Variants in RABL6 observed in about 807,000 individuals in gnomAD.
RABL6 encodes the protein RAB, member RAS oncogene family like 6, also known as rab-like protein 6.
Under a neutral mutation model 72.9 loss-of-function variants are expected in RABL6, and 28 were observed. The ratio of observed to expected loss-of-function variants is 0.38; its 90% CI spans 0.28 to 0.53. RABL6 has a LOEUF of 0.53. RABL6 is among the 20% of genes least tolerant of loss of function. The probability of loss-of-function intolerance (pLI) is 0.80; values close to 1 mark genes in which losing one functional copy is unlikely to be tolerated. For missense variants in RABL6, 1,029 were observed against 1,008.4 expected (o/e 1.02, Z -0.28); for synonymous variants, 477 against 421.2 (o/e 1.13, Z -1.62).
chr9:136,840,829 G>A lies in RABL6; in HGVS notation c.*307G>A. The A allele has an allele frequency of 1.9e-6, 3 of 1,546,410 alleles. No homozygotes were observed. Among genetic ancestry groups the A allele is most frequent in the Non-Finnish European group, 2.6e-6 (3 of 1,146,484 alleles). ...AGGGATGTGACTGAGGCCCAGGAGG[G>A]ACCTGTGAGGGTCTGTTTACAGAGG... On this transcript the variant is annotated 3_prime_UTR_variant, in exon 15 of 15. Coordinates refer to ENST00000311502, the MANE Select transcript of RABL6 (RefSeq NM_024718.5).
At chr9:136,821,805 G>T in intron 1 of RABL6, 1 of 1,180,666 alleles carries the variant, frequency 8.5e-7, no homozygotes, top group Non-Finnish European at 1.1e-6. Flanking sequence ...CGCGGGAGAG[G>T]GAGGGGAACG....
At chr9:136,818,325 T>C (rs1210591713) in intron 1 of RABL6, among the ~76,000 whole-genome samples, 1 of 119,802 alleles carries the variant, frequency 8.3e-6, no homozygotes, top group Non-Finnish European at 1.6e-5. Context: ...ATCCCACCAC[T>C]GCACTCCAGC....
intron 1 of RABL6, chr9:136,822,191 A>AC: frequency 2.2e-6 from 2 of 919,604 alleles, no homozygotes; most frequent in Non-Finnish European, 2.9e-6. Context: ...CTGACAGAAA[A>AC]CCTGGGGGGG....
At chr9:136,808,383 C>T (rs1847916332) in intron 1 of RABL6, 57 bp downstream of exon 1, 8 of 1,394,004 alleles carry the variant, frequency 5.7e-6, no homozygotes, top group South Asian at 1.6e-5. Flanking sequence ...CGAACCCAGG[C>T]CCCGGGCGCC....
At chr9:136,821,736 C>T (rs1848241984) in intron 1 of RABL6, 1 of 1,142,288 alleles carries the variant, frequency 8.8e-7, no homozygotes, top group South Asian at 1.7e-5. Context: ...CTGTGCTCTC[C>T]ACAGGCCGGG....
At chr9:136,815,241 C>A in intron 1 of RABL6, 1 of 304,018 alleles carries the variant, frequency 3.3e-6, no homozygotes. Context: ...CAGTGCTTTG[C>A]CTGCTATGGC....
At chr9:136,816,873 G>A (rs956276052) in intron 1 of RABL6, among the ~76,000 whole-genome samples, 1 of 152,096 alleles carries the variant, frequency 6.6e-6, no homozygotes, top group South Asian at 2.1e-4. Flanking sequence ...GCTTTTAAAA[G>A]GAGTAAATTT....
intron 1 of RABL6, chr9:136,813,953 T>C: frequency 2.6e-6 from 1 of 384,412 alleles, no homozygotes; most frequent in East Asian, 8.4e-5. Context: ...TGAGTGACTT[T>C]GTAAGGGAGA....
intron 1 of RABL6, chr9:136,812,973 A>T (rs1387069416): frequency 2.9e-6 from 1 of 350,374 alleles, no homozygotes; most frequent in African/African-American, 2.2e-5. Flanking sequence ...TGTTTCCCTC[A>T]ATTTCACCAT....
chr9:136,809,152 A>G (rs974295040), intron 1 of RABL6: 1 of 152,496 alleles, frequency 6.6e-6, no homozygotes, highest in African/African-American at 2.4e-5. Context: ...CGCTACGCCT[A>G]TCCAGTTTTT....
chr9:136,839,158 C>T, intron 11 of RABL6, 37 bp downstream of exon 11: 1 of 1,606,618 alleles, frequency 6.2e-7, no homozygotes, highest in Non-Finnish European at 8.5e-7. Context: ...GGCCTGGAGA[C>T]CCGGGTGGGG....
At chr9:136,834,593 C>G in intron 7 of RABL6, 1 of 539,522 alleles carries the variant, frequency 1.9e-6, no homozygotes. Context: ...ATTCTCCTGC[C>G]TAAGCCTCCC....
Position 136,839,747 on chromosome 9 carries a change from C to T in RABL6, c.1812C>T (p.Gly604=). 1 of 1,610,718 alleles carries T rather than the reference C, an allele frequency of 6.2e-7. No individual in the cohort carries two copies. The highest frequency in any genetic ancestry group is 8.5e-7 in the Non-Finnish European group (1 of 1,178,638). The change falls in exon 13 of 15, where the codon GGC becomes GGT. Residue 604 remains glycine, a synonymous_variant. Transcript: ENST00000311502. ...CCGATGTGACTGACGAGGATGAGGGCCCTGCCGAGCCGCCCCCACCCCCCA... is the reference window on the plus strand; with the variant it reads ...CCGATGTGACTGACGAGGATGAGGGTCCTGCCGAGCCGCCCCCACCCCCCA... ...DPSDVTDEDE[G]PAEPPPPPKL...
chr9:136,832,393 G>A, intron 7 of RABL6, 23 bp downstream of exon 7: 1 of 1,566,826 alleles, frequency 6.4e-7, no homozygotes, highest in Non-Finnish European at 8.8e-7. Context: ...CACGTGGGGT[G>A]GAGTGGCTGC....
In RABL6 at chr9:136,837,561, TGCCCCCACCTGCGTGCCCCTCA is replaced by T. The variant is rs1848606555; in HGVS notation, c.1032_1053del (p.Ala346HisfsTer246). 1 of 1,535,518 alleles carries T rather than the reference TGCCCCCACCTGCGTGCCCCTCA, an allele frequency of 6.5e-7. No individual in the cohort carries two copies. Among genetic ancestry groups the T allele is most frequent in the Non-Finnish European group, 8.7e-7 (1 of 1,144,604 alleles). On this transcript the variant is annotated frameshift_variant, in exon 9 of 15. Coordinates refer to ENST00000311502, the MANE Select transcript of RABL6 (RefSeq NM_024718.5). LOFTEE classifies it high-confidence loss of function. ...CCCCCTGTACCACCCTCAGAGGCCC[TGCCCCCACCTGCGTGCCCCTCA>T]GCCCCCGCCCCACGGCGCAGCATCA...
intron 5 of RABL6, chr9:136,830,868 C>G (rs954683519): frequency 9.2e-5 from 14 of 152,876 alleles, no homozygotes; most frequent in African/African-American, 2.9e-4. Context: ...CTGTCTGGAG[C>G]CCCTGGTGCC....
At chr9:136,824,965 G>C (rs946048528) in intron 2 of RABL6, among the ~76,000 whole-genome samples, 1 of 152,238 alleles carries the variant, frequency 6.6e-6, no homozygotes, top group Non-Finnish European at 1.5e-5. Flanking sequence ...ATGCCTGGCT[G>C]TGTGAGGGCC....
At chr9:136,838,804 C>A in intron 10 of RABL6, 105 bp from the exon 11 acceptor site, 1 of 1,064,812 alleles carries the variant, frequency 9.4e-7, no homozygotes, top group Non-Finnish European at 1.3e-6. Flanking sequence ...GGTGGCCCCA[C>A]GGCCAGGGTG....
chr9:136,821,935 T>A (rs1848246163), intron 1 of RABL6: 2 of 1,288,336 alleles, frequency 1.6e-6, no homozygotes, highest in Non-Finnish European at 2.0e-6. Flanking sequence ...CTGGAGGTTT[T>A]GCCGCAGCGC....
Sources: allele counts gnomAD v4.1 joint callset (sites outside exome capture counted in the v4.1 genomes callset), GRCh38; gene constraint gnomAD v4.1.1; transcripts MANE v1.5; gene names NCBI Gene and HGNC (gene_info 2026-07-23, HGNC 2026-07-21).